The following ELF1 variants were observed in gnomAD, a reference collection of about 807,000 sequenced individuals.
ELF1 encodes E74 like ETS transcription factor 1.
In ELF1, 24 loss-of-function variants were observed where a neutral mutation model predicts 59.9. That is an observed-to-expected ratio of 0.40 (90% CI 0.29 to 0.56). The LOEUF (loss-of-function observed/expected upper bound fraction) is 0.56. ELF1 is among the 20% of genes least tolerant of loss of function. ELF1 has a pLI of 0.44. For missense variants in ELF1, 627 were observed against 742.2 expected (o/e 0.84, Z 1.80); for synonymous variants, 248 against 266.2 (o/e 0.93, Z 0.67).
intron 1 of ELF1, among the ~76,000 whole-genome samples, chr13:41,015,514 A>C (rs1195528991): frequency 6.6e-6 from 1 of 152,204 alleles, no homozygotes; most frequent in African/African-American, 2.4e-5. Flanking sequence ...ATTCCTCTTC[A>C]TAGCCTTAAA....
chr13:40,994,699 T>C (rs1363186219), intron 1 of ELF1, among the ~76,000 whole-genome samples: 1 of 152,202 alleles, frequency 6.6e-6, no homozygotes, highest in Non-Finnish European at 1.5e-5. Flanking sequence ...CTGTTTTAAT[T>C]CTGTTCATTA....
intron 1 of ELF1, among the ~76,000 whole-genome samples, chr13:41,014,250 T>C (rs1679297038): frequency 6.6e-6 from 1 of 152,224 alleles, no homozygotes; most frequent in Non-Finnish European, 1.5e-5. Context: ...ATGGTGTGCA[T>C]ATATCACTTT....
intron 3 of ELF1, 42 bp from the exon 4 acceptor site, chr13:40,951,478 A>G (rs755615050): frequency 6.6e-7 from 1 of 1,515,690 alleles, no homozygotes; most frequent in Non-Finnish European, 9.1e-7. Flanking sequence ...ACTACGAGAC[A>G]TCTGTTACTC....
intron 1 of ELF1, among the ~76,000 whole-genome samples, chr13:41,032,343 G>A (rs1171248019): frequency 6.6e-6 from 1 of 151,014 alleles, no homozygotes; most frequent in Non-Finnish European, 1.5e-5. Flanking sequence ...TCAGCCTCCT[G>A]AGTAGCTGGG....
chr13:41,012,545 C>CTTT (rs574593869), intron 1 of ELF1, among the ~76,000 whole-genome samples: 1 of 126,580 alleles, frequency 7.9e-6, no homozygotes. Flanking sequence ...CTTTTCTTTT[C>CTTT]TTTTTTTTTT....
In ELF1 at chr13:40,940,386, GAAAAAAAAAAA is replaced by G. The variant is rs375400990; in HGVS notation, c.1256+524_1256+534del. On this transcript the variant is annotated intron_variant, in intron 8 of 8. Coordinates refer to ENST00000239882, the MANE Select transcript of ELF1 (RefSeq NM_172373.4). ...GCTCTGAGGCAAATCTGATTTAACTGAAAAAAAAAAAAAAAAAAAAAAAAAAAAAAAACAAA... is the reference window on the plus strand; with the variant it reads ...GCTCTGAGGCAAATCTGATTTAACTGAAAAAAAAAAAAAAAAAAAAACAAA... Among the ~76,000 whole-genome samples the G allele has an allele frequency of 7.3e-3, 799 of 109,844 alleles. 7 individuals carry two copies. Among genetic ancestry groups the G allele is most frequent in the African/African-American group, 0.027 (561 of 20,616 alleles). The allele number at this position is 109,844 out of a possible 152,430, so 72.1% of individuals were successfully genotyped here.
chr13:41,027,994 GTCAATATTCCT>G, intron 1 of ELF1, among the ~76,000 whole-genome samples: 1 of 152,208 alleles, frequency 6.6e-6, no homozygotes, highest in Non-Finnish European at 1.5e-5. Context: ...ACAGCCAGGA[GTCAATATTCCT>G]TGTTTCCTGA....
At chr13:40,997,949 G>A (rs557486290) in intron 1 of ELF1, among the ~76,000 whole-genome samples, 2 of 152,062 alleles carry the variant, frequency 1.3e-5, no homozygotes, top group Admixed American at 6.6e-5. Context: ...CCAGGAGTTT[G>A]AGACCAGCCT....
At chr13:40,935,191 A>G (rs2138103425) in intron 8 of ELF1, among the ~76,000 whole-genome samples, 1 of 152,338 alleles carries the variant, frequency 6.6e-6, no homozygotes, top group South Asian at 2.1e-4. Flanking sequence ...ACAGCTCTGA[A>G]ATTTATAGTT....
chr13:41,054,857 A>T lies in ELF1; in HGVS notation c.-229+5981T>A, dbSNP rs9562269. Reference sequence around the variant, plus strand: ...GTTACTACCAAATTCATTTCATTAAAACATTCCTCGTATTACCAGAAATCT... The same window carrying T: ...GTTACTACCAAATTCATTTCATTAATACATTCCTCGTATTACCAGAAATCT... On this transcript the variant is annotated intron_variant, in intron 1 of 1. Transcript: ENST00000405737. 2.7e-3 allele frequency among the ~76,000 whole-genome samples: 417 copies of T among 152,328 alleles called. 8 individuals carry two copies. In the East Asian group the frequency reaches 0.049, roughly 18 times the overall value.
chr13:40,959,371 C>CT (rs1412308597), intron 2 of ELF1, among the ~76,000 whole-genome samples: 6 of 152,046 alleles, frequency 3.9e-5, no homozygotes, highest in African/African-American at 1.4e-4. Flanking sequence ...TGGCATGCAC[C>CT]TGTAGTCTCA....
chr13:40,993,139 C>CG (rs1192438160), intron 1 of ELF1: 2 of 1,548,516 alleles, frequency 1.3e-6, no homozygotes, highest in Admixed American at 1.7e-5. Context: ...TCCTCTAGGA[C>CG]CTGGATACTC....
At chr13:41,061,026 G>C (rs1429584571) in exon 1 of ELF1, 2 of 213,542 alleles carry the variant, frequency 9.4e-6, no homozygotes, top group Admixed American at 1.2e-4. Flanking sequence ...GGAGGGGCGG[G>C]GCCGCTCCGC....
At chr13:40,975,201 A>G (rs967348127) in intron 2 of ELF1, among the ~76,000 whole-genome samples, 2 of 152,220 alleles carry the variant, frequency 1.3e-5, no homozygotes, top group African/African-American at 2.4e-5. Context: ...AATAAGTTAC[A>G]CATTAAACAC....
At chr13:41,023,712 C>T (rs780769308), upstream of ELF1, among the ~76,000 whole-genome samples, 1 of 152,176 alleles carries the variant, frequency 6.6e-6, no homozygotes, top group Non-Finnish European at 1.5e-5. Flanking sequence ...TTACCACCCA[C>T]AAAAAGCAGG....
At position 40,949,938 on chromosome 13, in the gene ELF1, C is replaced by G. The variant is rs753000405; in HGVS notation, c.397G>C (p.Val133Leu). 1.9e-6 allele frequency: 3 copies of G among 1,613,444 alleles called. No homozygotes were observed. Among genetic ancestry groups the G allele is most frequent in the Non-Finnish European group, 2.5e-6 (3 of 1,179,788 alleles). ...GACACATGGGTGACTGGGGCAACAA[C>G]CATGTCATCTTCAGGTGAACTAAAT... ...NIFSSPEDDM[V>L]VAPVTHVSVT... The change falls in exon 5 of 9, where the codon GTT becomes CTT. Residue 133 changes from valine (V) to leucine (L), a missense_variant. By Grantham distance (32) the Val-to-Leu change is conservative. Coordinates refer to ENST00000239882, the MANE Select transcript of ELF1 (RefSeq NM_172373.4).
chr13:41,007,056 A>G (rs539638395), intron 1 of ELF1, among the ~76,000 whole-genome samples: 46 of 152,140 alleles, frequency 3.0e-4, no homozygotes, highest in Non-Finnish European at 6.5e-4. Context: ...AACCTTACTC[A>G]AGACAAGTCA....
upstream of ELF1, among the ~76,000 whole-genome samples, chr13:41,019,629 C>CT (rs1158060211): frequency 1.3e-5 from 2 of 151,358 alleles, no homozygotes; most frequent in Non-Finnish European, 2.9e-5. Context: ...TTAAAAGTTG[C>CT]TTTACTATAT....
intron 1 of ELF1, among the ~76,000 whole-genome samples, chr13:41,052,497 T>G (rs988686907): frequency 6.6e-6 from 1 of 152,208 alleles, no homozygotes; most frequent in Non-Finnish European, 1.5e-5. Context: ...ATCTTTAAGT[T>G]TATTGACTCT....
Sources: allele counts gnomAD v4.1 joint callset (sites outside exome capture counted in the v4.1 genomes callset), GRCh38; gene constraint gnomAD v4.1.1; transcripts MANE v1.5; gene names NCBI Gene and HGNC (gene_info 2026-07-23, HGNC 2026-07-21).